The following AGBL1 variants were observed in gnomAD, a reference collection of about 807,000 sequenced individuals.
AGBL1 encodes the protein AGBL carboxypeptidase 1.
A neutral mutation model predicts 118.9 loss-of-function variants in AGBL1; 130 were observed. The observed-to-expected ratio is 1.09, with a 90% CI of 0.95 to 1.26. The LOEUF (loss-of-function observed/expected upper bound fraction) is 1.26. Among genes scored for constraint, AGBL1 ranks in the 50% most tolerant of loss-of-function variants. The probability of loss-of-function intolerance (pLI) is 0.00; values close to 1 mark genes in which losing one functional copy is unlikely to be tolerated. For missense variants in AGBL1, 1,584 were observed against 1,298.1 expected (o/e 1.22, Z -3.38); for synonymous variants, 555 against 478.9 (o/e 1.16, Z -2.08).
In AGBL1 at chr15:86,965,168, A is replaced by G. The variant is rs140980902; in HGVS notation, c.3222-22819A>G. Among the ~76,000 whole-genome samples, 91 of 152,220 alleles carry G rather than the reference A, an allele frequency of 6.0e-4. 1 individual carries two copies. The East Asian group carries it at 0.015, about 25-fold the overall frequency. ...ACCCAGTAATGGGATTGCTGGGTCA[A>G]ATAATATTTCTGGTTCTAGATCCTT... is the stretch of plus-strand genomic sequence containing the variant. On this transcript the variant is annotated intron_variant, in intron 23 of 24. Transcript: ENST00000441037.
chr15:86,244,526 G>A (rs1270820942), intron 6 of AGBL1, among the ~76,000 whole-genome samples: 4 of 83,118 alleles, frequency 4.8e-5, no homozygotes, highest in South Asian at 3.6e-4. Flanking sequence ...GTAGGGTCGC[G>A]GGGGAAGGAG....
chr15:87,010,837 C>T (rs1007619549), intron 24 of AGBL1, among the ~76,000 whole-genome samples: 1 of 152,174 alleles, frequency 6.6e-6, no homozygotes, highest in Non-Finnish European at 1.5e-5. Flanking sequence ...TGTCTGCCTA[C>T]ATACTTACCT....
At chr15:86,295,486 T>A in intron 17 of AGBL1, 78 bp downstream of exon 17, 1 of 1,430,920 alleles carries the variant, frequency 7.0e-7, no homozygotes, top group Non-Finnish European at 9.3e-7. Flanking sequence ...TCTGTCTCTT[T>A]TAGATCAAAA....
At chr15:86,896,300 T>C (rs959300410) in intron 22 of AGBL1, among the ~76,000 whole-genome samples, 4 of 152,134 alleles carry the variant, frequency 2.6e-5, no homozygotes, top group African/African-American at 9.6e-5. Flanking sequence ...CAAGGTGGAT[T>C]ATTTCCTCAT....
intron 21 of AGBL1, among the ~76,000 whole-genome samples, chr15:86,623,676 C>T (rs1276431400): frequency 1.3e-5 from 2 of 152,230 alleles, no homozygotes; most frequent in African/African-American, 4.8e-5. Flanking sequence ...GCATTTCACC[C>T]TGTCAGTTCC....
At chr15:86,246,262 G>A (rs1271746078) in intron 6 of AGBL1, among the ~76,000 whole-genome samples, 1 of 152,174 alleles carries the variant, frequency 6.6e-6, no homozygotes, top group Non-Finnish European at 1.5e-5. Context: ...AAAGTTAGTT[G>A]GGGTGTGTGG....
intron 22 of AGBL1, among the ~76,000 whole-genome samples, chr15:86,702,151 AG>A (rs1323203187): frequency 6.6e-6 from 1 of 152,170 alleles, no homozygotes; most frequent in East Asian, 1.9e-4. Flanking sequence ...AGTATTACAA[AG>A]AAATATAGAC....
At chr15:87,013,014 A>G (rs1282670918) in intron 24 of AGBL1, among the ~76,000 whole-genome samples, 4 of 150,172 alleles carry the variant, frequency 2.7e-5, no homozygotes. Context: ...TTTTCTGACC[A>G]CGGCTACTGA....
intron 22 of AGBL1, among the ~76,000 whole-genome samples, chr15:86,876,014 G>A (rs558833527): frequency 6.6e-6 from 1 of 152,296 alleles, no homozygotes; most frequent in Non-Finnish European, 1.5e-5. Flanking sequence ...TGTCAGGCAG[G>A]TGGCAGAATT....
chr15:86,743,426 G>T (rs1387233460), intron 22 of AGBL1, among the ~76,000 whole-genome samples: 2 of 152,004 alleles, frequency 1.3e-5, no homozygotes, highest in Non-Finnish European at 2.9e-5. Context: ...CAGCTTCTCA[G>T]AACCACCTGG....
intron 17 of AGBL1, among the ~76,000 whole-genome samples, chr15:86,348,918 C>G (rs1289329837): frequency 6.6e-6 from 1 of 151,940 alleles, no homozygotes; most frequent in African/African-American, 2.4e-5. Context: ...AGGAAGAGGT[C>G]TCTGTAGATG....
chr15:86,218,567 G>C (rs926000818), intron 5 of AGBL1, among the ~76,000 whole-genome samples: 1 of 152,170 alleles, frequency 6.6e-6, no homozygotes, highest in Non-Finnish European at 1.5e-5. Context: ...GTAAGGACAT[G>C]TCATCCCTGG....
intron 24 of AGBL1, among the ~76,000 whole-genome samples, chr15:87,027,037 A>G (rs1272237551): frequency 6.6e-6 from 1 of 152,030 alleles, no homozygotes. Flanking sequence ...CGTGCAGTGC[A>G]TACTGCTTGG....
intron 18 of AGBL1, among the ~76,000 whole-genome samples, chr15:86,461,954 C>T (rs2082339660): frequency 6.6e-6 from 1 of 152,204 alleles, no homozygotes; most frequent in South Asian, 2.1e-4. Context: ...CAAATCTTAC[C>T]ATACAACCCC....
At chr15:86,348,564 G>C (rs189579332) in intron 17 of AGBL1, among the ~76,000 whole-genome samples, 5 of 152,266 alleles carry the variant, frequency 3.3e-5, no homozygotes, top group Admixed American at 2.0e-4. Context: ...CGGATCATGA[G>C]GTCAGGAGTT....
intron 22 of AGBL1, among the ~76,000 whole-genome samples, chr15:86,704,757 T>G (rs140213185): frequency 0.038 from 5,814 of 152,262 alleles, 268 homozygotes; most frequent in African/African-American, 0.11. Context: ...AGAAATACCA[T>G]TTGACCCAAC....
intron 21 of AGBL1, among the ~76,000 whole-genome samples, chr15:86,659,229 T>C (rs774644680): frequency 7.9e-5 from 12 of 152,228 alleles, no homozygotes; most frequent in Non-Finnish European, 1.5e-4. Flanking sequence ...AATGGCTATG[T>C]AGCAGTTATG....
chr15:86,526,276 T>A (rs1203949237), intron 19 of AGBL1, among the ~76,000 whole-genome samples: 1 of 152,128 alleles, frequency 6.6e-6, no homozygotes, highest in African/African-American at 2.4e-5. Flanking sequence ...GAATGTATGT[T>A]AGTACAACCT....
chr15:86,858,490 G>GTT (rs2079517175), intron 22 of AGBL1, among the ~76,000 whole-genome samples: 2 of 151,930 alleles, frequency 1.3e-5, no homozygotes, highest in South Asian at 4.2e-4. Context: ...GTGTGTGTGT[G>GTT]TGTGTGTAAG....
Sources: gnomAD v4.1 joint callset for allele counts (sites outside exome capture counted in the v4.1 genomes callset) on GRCh38, gnomAD v4.1.1 for gene constraint, MANE v1.5 for transcripts, NCBI Gene and HGNC (gene_info 2026-07-23, HGNC 2026-07-21) for gene names.